The following PLPPR5 variants were observed in gnomAD, a reference collection of about 807,000 sequenced individuals.
The protein encoded by PLPPR5 is phospholipid phosphatase-related protein type 5.
A neutral mutation model predicts 33.9 loss-of-function variants in PLPPR5; 16 were observed. The observed-to-expected ratio is 0.47, with a 90% CI of 0.32 to 0.72. The LOEUF (loss-of-function observed/expected upper bound fraction) is 0.72, where lower values mean the gene tolerates loss of function less well. PLPPR5 is among the 30% of genes least tolerant of loss of function. The probability of loss-of-function intolerance (pLI) is 0.03; values close to 1 mark genes in which losing one functional copy is unlikely to be tolerated. For missense variants in PLPPR5, 301 were observed against 406.7 expected (o/e 0.74, Z 2.23); for synonymous variants, 163 against 150.3 (o/e 1.08, Z -0.62).
chr1:98,976,072 G>A (rs1651839310), intron 1 of PLPPR5, among the ~76,000 whole-genome samples: 1 of 124,216 alleles, frequency 8.1e-6, no homozygotes, highest in Non-Finnish European at 1.6e-5. Flanking sequence ...TGCTGAAGAT[G>A]AGATCATCCT....
intron 3 of PLPPR5, among the ~76,000 whole-genome samples, chr1:98,944,262 A>T (rs1650476504): frequency 6.6e-6 from 1 of 152,200 alleles, no homozygotes; most frequent in Non-Finnish European, 1.5e-5. Flanking sequence ...CCCTACCACA[A>T]AGAAGGACGC....
At chr1:98,938,767 C>T (rs1035916273) in intron 3 of PLPPR5, among the ~76,000 whole-genome samples, 12 of 152,088 alleles carry the variant, frequency 7.9e-5, no homozygotes, top group East Asian at 1.9e-4. Context: ...ATATGTAGCA[C>T]ATATATACCA....
intron 3 of PLPPR5, among the ~76,000 whole-genome samples, chr1:98,945,862 T>C (rs947448798): frequency 3.3e-5 from 5 of 152,186 alleles, no homozygotes; most frequent in Non-Finnish European, 7.3e-5. Flanking sequence ...AGGTGGACAA[T>C]GCAGTACTGG....
chr1:98,963,331 G>T (rs1651314588), intron 1 of PLPPR5, among the ~76,000 whole-genome samples: 1 of 152,164 alleles, frequency 6.6e-6, no homozygotes, highest in South Asian at 2.1e-4. Flanking sequence ...TTGCATATGC[G>T]TTTATAAGTA....
At position 98,890,811 on chromosome 1, in the gene PLPPR5, T is replaced by A. The variant is rs577334500; in HGVS notation, c.*2261A>T. 3.3e-5 allele frequency: 5 copies of A among 152,704 alleles called. No homozygotes were observed. Among genetic ancestry groups the A allele is most frequent in the African/African-American group, 1.2e-4 (5 of 41,570 alleles). 9.5% of individuals were successfully genotyped at this position (152,704 alleles called of 1,614,324 possible). A position where few individuals can be genotyped will look rare whatever the true frequency, so the allele number is the denominator to read the frequency against. On this transcript the variant is annotated 3_prime_UTR_variant, in exon 6 of 6. Transcript: ENST00000263177. ...CACTCACTGTACAATCTTGAGCCTA[T>A]GATGTGTAAATAGTAGAGGTGACTT...
chr1:98,920,595 A>AAAAAAAAAAAAAAAAAAAAAG, intron 4 of PLPPR5, among the ~76,000 whole-genome samples: 1 of 139,366 alleles, frequency 7.2e-6, no homozygotes, highest in Non-Finnish European at 1.5e-5. Context: ...GGTATCACCA[A>AAAAAAAAAAAAAAAAAAAAAG]AAAAAAAAAA....
intron 3 of PLPPR5, among the ~76,000 whole-genome samples, chr1:98,946,666 C>G (rs1650564143): frequency 6.6e-6 from 1 of 152,074 alleles, no homozygotes; most frequent in Non-Finnish European, 1.5e-5. Flanking sequence ...AGGACCTCAT[C>G]CCTCCTGGAC....
At chr1:98,957,815 G>C (rs1651070419) in intron 1 of PLPPR5, among the ~76,000 whole-genome samples, 1 of 152,128 alleles carries the variant, frequency 6.6e-6, no homozygotes. Flanking sequence ...CAAGTGAGTT[G>C]CCCAAGAACA....
intron 1 of PLPPR5, among the ~76,000 whole-genome samples, chr1:98,975,737 G>A (rs1261683143): frequency 2.0e-5 from 3 of 151,918 alleles, no homozygotes; most frequent in Non-Finnish European, 4.4e-5. Context: ...CAAGGAAGAG[G>A]GGGACACTTC....
At chr1:98,970,771 C>T (rs753668492) in intron 1 of PLPPR5, among the ~76,000 whole-genome samples, 3 of 151,874 alleles carry the variant, frequency 2.0e-5, no homozygotes, top group Non-Finnish European at 2.9e-5. Context: ...AGTCTGACTT[C>T]AATTTTAATA....
rs1330971766 is a variant in PLPPR5 at position 98,954,441 on chromosome 1, T to C, written c.371-1121A>G. Among the ~76,000 whole-genome samples the C allele has an allele frequency of 4.6e-5, 7 of 152,160 alleles. No individual in the cohort carries two copies. The East Asian group carries it at 1.3e-3, about 29-fold the overall frequency. ...TTTTTAGTCATATATTTCTGGATTA[T>C]TTGTTTCCCAAGCCTTTTCATCATT... On this transcript the variant is annotated intron_variant, in intron 2 of 5. Transcript: ENST00000263177.
chr1:98,894,508 T>C (rs1054428093), intron 5 of PLPPR5, among the ~76,000 whole-genome samples: 1 of 152,022 alleles, frequency 6.6e-6, no homozygotes, highest in Admixed American at 6.6e-5. Flanking sequence ...CACAAAACCG[T>C]CATGAACATC....
intron 3 of PLPPR5, among the ~76,000 whole-genome samples, chr1:98,940,172 A>G (rs1650320992): frequency 6.6e-6 from 1 of 151,808 alleles, no homozygotes. Context: ...GACAGAATTT[A>G]ATTTTCTCAT....
Position 98,914,837 on chromosome 1 carries a change from C to T in PLPPR5, c.882G>A (p.Met294Ile). The T allele has an allele frequency of 6.2e-7, 1 of 1,613,296 alleles. No homozygotes were observed. The highest frequency in any genetic ancestry group is 8.5e-7 in the Non-Finnish European group (1 of 1,179,712). ...GACTTTCTACTCGAGGAATGCTGAT[C>T]ATTGGCATCTGTGCCAGATTATCCA... is the stretch of plus-strand genomic sequence containing the variant. ...IHMDNLAQMP[M>I]ISIPRVESPL... The change falls in exon 5 of 6, where the codon ATG (methionine) becomes ATA (isoleucine). Residue 294 changes from methionine to isoleucine, a missense_variant. Coordinates refer to ENST00000263177, the MANE Select transcript of PLPPR5 (RefSeq NM_001037317.2).
At chr1:98,976,812 T>C (rs1651880025) in intron 1 of PLPPR5, among the ~76,000 whole-genome samples, 2 of 152,102 alleles carry the variant, frequency 1.3e-5, no homozygotes, top group South Asian at 4.1e-4. Flanking sequence ...TAATTTCACC[T>C]ATTTCTTTTT....
chr1:98,931,559 T>C (rs972978580), intron 3 of PLPPR5, among the ~76,000 whole-genome samples: 3 of 152,138 alleles, frequency 2.0e-5, no homozygotes, highest in Non-Finnish European at 2.9e-5. Context: ...TCAAGGATCC[T>C]TTCTCCCTCA....
rs143878817 is a variant in PLPPR5 at position 98,947,991 on chromosome 1, T to C, written c.621+5079A>G. Among the ~76,000 whole-genome samples, 879 of 152,352 alleles carry C rather than the reference T, an allele frequency of 5.8e-3. 3 individuals carry two copies. The highest frequency in any genetic ancestry group is 0.031 in the Middle Eastern group (9 of 294). On this transcript the variant is annotated intron_variant, in intron 3 of 5. Coordinates refer to ENST00000263177, the MANE Select transcript of PLPPR5 (RefSeq NM_001037317.2). ...GAGCTTTAGAGGAATGGCCTTCTGA[T>C]GGCAGCTATATCTCATTTGCCAGTG... is the stretch of plus-strand genomic sequence containing the variant.
chr1:98,976,092 T>TAA (rs34637022), intron 1 of PLPPR5, among the ~76,000 whole-genome samples: 1,407 of 74,656 alleles, frequency 0.019, 26 homozygotes, highest in African/African-American at 0.034. Flanking sequence ...TACTAAAAAG[T>TAA]AAAAAAAAAA....
At chr1:98,906,249 T>A (rs923459368) in intron 5 of PLPPR5, among the ~76,000 whole-genome samples, 1 of 151,298 alleles carries the variant, frequency 6.6e-6, no homozygotes, top group African/African-American at 2.4e-5. Context: ...TGTGTGTATA[T>A]ATACTAGGTA....
Sources: allele counts gnomAD v4.1 joint callset (sites outside exome capture counted in the v4.1 genomes callset), GRCh38; gene constraint gnomAD v4.1.1; transcripts MANE v1.5; gene names NCBI Gene and HGNC (gene_info 2026-07-23, HGNC 2026-07-21).